The following ATRNL1 variants were observed in gnomAD, a reference collection of about 807,000 sequenced individuals.
The protein encoded by ATRNL1 is attractin-like protein 1.
A neutral mutation model predicts 182.7 loss-of-function variants in ATRNL1; 95 were observed. That is an observed-to-expected ratio of 0.52 (90% CI 0.44 to 0.62). The LOEUF (loss-of-function observed/expected upper bound fraction) is 0.62. Ranked by LOEUF, ATRNL1 falls within the 20% of genes least tolerant of loss-of-function variation. The pLI is 0.00. For synonymous variants in ATRNL1, 576 were observed against 568.3 expected (o/e 1.01, Z -0.19); for missense variants, 1,471 against 1,679.5 (o/e 0.88, Z 2.17).
intron 26 of ATRNL1, among the ~76,000 whole-genome samples, chr10:115,672,541 A>C (rs1479552350): frequency 6.6e-6 from 1 of 152,152 alleles, no homozygotes; most frequent in Non-Finnish European, 1.5e-5. Context: ...TAAGAGGATA[A>C]AAATAGCCCA....
At position 115,604,595 on chromosome 10, in the gene ATRNL1, A is replaced by G. The variant is rs75971250; in HGVS notation, c.3795+55059A>G. Among the ~76,000 whole-genome samples the G allele has an allele frequency of 2.6e-3, 393 of 151,782 alleles. 1 individual carries two copies. Among genetic ancestry groups the G allele is most frequent in the African/African-American group, 8.9e-3 (369 of 41,392 alleles). On this transcript the variant is annotated intron_variant, in intron 26 of 28. Coordinates refer to ENST00000355044, the MANE Select transcript of ATRNL1 (RefSeq NM_207303.4). ...ATCCTCTTCTGATTGACACCCTACA[A>G]CTCAGCCTCTCCACACTTAGACCTC... is the stretch of plus-strand genomic sequence containing the variant.
At chr10:115,806,626 T>A (rs1337531574) in intron 27 of ATRNL1, among the ~76,000 whole-genome samples, 1 of 152,158 alleles carries the variant, frequency 6.6e-6, no homozygotes, top group Non-Finnish European at 1.5e-5. Context: ...TCAACTTTCA[T>A]ATAATATACA....
At chr10:115,707,745 G>A (rs1352427274) in intron 26 of ATRNL1, among the ~76,000 whole-genome samples, 2 of 151,420 alleles carry the variant, frequency 1.3e-5, no homozygotes, top group African/African-American at 4.8e-5. Flanking sequence ...TAACCAAATA[G>A]ACCAAATTGT....
intron 18 of ATRNL1, among the ~76,000 whole-genome samples, chr10:115,323,944 A>AT (rs1854730989): frequency 1.3e-5 from 2 of 151,022 alleles, no homozygotes; most frequent in Admixed American, 6.6e-5. Flanking sequence ...CGCCTGGCTA[A>AT]TTTTTTGTAT....
chr10:115,321,784 G>A (rs1854598441), intron 18 of ATRNL1, among the ~76,000 whole-genome samples: 1 of 148,930 alleles, frequency 6.7e-6, no homozygotes, highest in Non-Finnish European at 1.5e-5. Context: ...GCAAAAGCAA[G>A]AAATTAAATG....
chr10:115,357,749 A>G (rs1554943204), intron 19 of ATRNL1, among the ~76,000 whole-genome samples: 2 of 151,634 alleles, frequency 1.3e-5, no homozygotes, highest in Admixed American at 6.6e-5. Context: ...TAAACATTTA[A>G]TTATATATTT....
rs58578796 is a variant in ATRNL1, at chr10:115,759,841, A to AT, written c.3903+32511dup. Among the ~76,000 whole-genome samples the AT allele has an allele frequency of 8.4e-3, 527 of 62,694 alleles. 21 individuals are homozygous for AT. Among genetic ancestry groups the AT allele is most frequent in the African/African-American group, 0.031 (429 of 14,018 alleles). The allele number at this position is 62,694 out of a possible 152,430, so 41.1% of individuals were successfully genotyped here. A position where few individuals can be genotyped will look rare whatever the true frequency, so the allele number is the denominator to read the frequency against. ...CAGGTGTGCACCACCACACCTGGCT[A>AT]TTTTTTTTTTTTTTTTTTTTTTTTT... On this transcript the variant is annotated intron_variant, in intron 27 of 28. Coordinates refer to ENST00000355044, the MANE Select transcript of ATRNL1 (RefSeq NM_207303.4).
At chr10:115,504,184 T>G (rs1554980724) in intron 24 of ATRNL1, among the ~76,000 whole-genome samples, 1 of 152,180 alleles carries the variant, frequency 6.6e-6, no homozygotes, top group East Asian at 1.9e-4. Context: ...TTACCTAGAT[T>G]GTGTATGAAA....
chr10:115,134,621 T>C (rs558859895), intron 5 of ATRNL1, among the ~76,000 whole-genome samples: 57 of 152,162 alleles, frequency 3.7e-4, no homozygotes, highest in Non-Finnish European at 6.8e-4. Flanking sequence ...GAGGAGCTGG[T>C]ACCATTCCTT....
chr10:115,414,037 G>C (rs1845270777), intron 20 of ATRNL1, among the ~76,000 whole-genome samples: 1 of 151,938 alleles, frequency 6.6e-6, no homozygotes, highest in South Asian at 2.1e-4. Context: ...TTTCTGCAAG[G>C]CTTTTGTACC....
chr10:115,201,379 G>T (rs1244735581), intron 8 of ATRNL1, among the ~76,000 whole-genome samples: 5 of 151,896 alleles, frequency 3.3e-5, no homozygotes, highest in Non-Finnish European at 7.4e-5. Flanking sequence ...ACATTTAAGT[G>T]TTTAATCCAT....
chr10:115,381,237 T>G (rs575078789), intron 19 of ATRNL1, among the ~76,000 whole-genome samples: 10 of 152,036 alleles, frequency 6.6e-5, no homozygotes, highest in Non-Finnish European at 1.0e-4. Context: ...TTTTTTTAGT[T>G]GGGTATTTAT....
chr10:115,541,535 C>T (rs1554991978), intron 25 of ATRNL1, among the ~76,000 whole-genome samples: 1 of 152,074 alleles, frequency 6.6e-6, no homozygotes, highest in Non-Finnish European at 1.5e-5. Context: ...CCCAACAATT[C>T]CAAGTCATCA....
chr10:115,665,774 G>A (rs920254744), intron 26 of ATRNL1, among the ~76,000 whole-genome samples: 6 of 152,190 alleles, frequency 3.9e-5, no homozygotes, highest in South Asian at 2.1e-4. Context: ...AGAAAGATTC[G>A]CCTGAATAAG....
At chr10:115,829,080 C>A (rs1950503948) in intron 27 of ATRNL1, among the ~76,000 whole-genome samples, 1 of 151,754 alleles carries the variant, frequency 6.6e-6, no homozygotes, top group African/African-American at 2.4e-5. Flanking sequence ...AATTTCCCTC[C>A]ATAAATATCA....
intron 10 of ATRNL1, among the ~76,000 whole-genome samples, chr10:115,256,565 T>G (rs1371665231): frequency 2.0e-5 from 3 of 152,194 alleles, no homozygotes; most frequent in African/African-American, 7.2e-5. Context: ...CTATCAATTT[T>G]GTTAATCTTT....
chr10:115,197,415 A>T (rs1267579096), intron 8 of ATRNL1, among the ~76,000 whole-genome samples: 1 of 152,110 alleles, frequency 6.6e-6, no homozygotes, highest in Non-Finnish European at 1.5e-5. Flanking sequence ...TTAAGAGTTT[A>T]TGTAGAATTG....
intron 18 of ATRNL1, among the ~76,000 whole-genome samples, chr10:115,331,249 A>G (rs949449874): frequency 6.6e-6 from 1 of 152,048 alleles, no homozygotes; most frequent in African/African-American, 2.4e-5. Context: ...TTTAGTAGAG[A>G]TGGGGTTTCA....
chr10:115,267,299 C>T (rs902528279), intron 12 of ATRNL1, among the ~76,000 whole-genome samples: 2 of 150,946 alleles, frequency 1.3e-5, no homozygotes, highest in Non-Finnish European at 3.0e-5. Flanking sequence ...CTTTCCAGTA[C>T]ATCATTTCTA....
Sources: allele counts gnomAD v4.1 joint callset (sites outside exome capture counted in the v4.1 genomes callset), GRCh38; gene constraint gnomAD v4.1.1; transcripts MANE v1.5; gene names NCBI Gene and HGNC (gene_info 2026-07-23, HGNC 2026-07-21).